The following WWOX variants were observed in gnomAD, a reference collection of about 807,000 sequenced individuals.
The protein encoded by WWOX is WW domain containing oxidoreductase.
A neutral mutation model predicts 46.2 loss-of-function variants in WWOX; 69 were observed. The ratio of observed to expected loss-of-function variants is 1.49; its 90% CI spans 1.23 to 1.82. The LOEUF is 1.82. Ranked by LOEUF, WWOX falls within the 40% of genes most tolerant of loss-of-function variation. The probability of loss-of-function intolerance (pLI) is 0.00; values close to 1 mark genes in which losing one functional copy is unlikely to be tolerated. For missense variants in WWOX, 919 were observed against 542.6 expected, an observed-to-expected ratio of 1.69 and a Z score of -6.89; for synonymous variants, 359 against 202.6, an observed-to-expected ratio of 1.77 and a Z score of -6.56.
At chr16:78,420,536 G>C (rs1387100071) in intron 6 of WWOX, among the ~76,000 whole-genome samples, 1 of 152,082 alleles carries the variant, frequency 6.6e-6, no homozygotes, top group East Asian at 1.9e-4. Context: ...CGTATTGTAT[G>C]GTTCCATTTA....
chr16:78,486,522 G>T (rs189198466), intron 8 of WWOX, among the ~76,000 whole-genome samples: 2 of 151,812 alleles, frequency 1.3e-5, no homozygotes, highest in African/African-American at 4.9e-5. Context: ...GTCGGACCTG[G>T]TTGTTGTACA....
At chr16:78,422,663 GTATATATATA>G (rs569996246) in intron 6 of WWOX, among the ~76,000 whole-genome samples, 4 of 24,380 alleles carry the variant, frequency 1.6e-4, no homozygotes, top group Admixed American at 1.7e-3. Flanking sequence ...TTTTTTACAT[GTATATATATA>G]TATATATATA....
intron 8 of WWOX, among the ~76,000 whole-genome samples, chr16:79,194,787 A>G (rs2051206085): frequency 6.6e-6 from 1 of 152,144 alleles, no homozygotes; most frequent in South Asian, 2.1e-4. Flanking sequence ...TTTTCCCCGT[A>G]TTATACATTC....
At chr16:78,900,381 G>A (rs2044800773) in intron 8 of WWOX, among the ~76,000 whole-genome samples, 1 of 152,054 alleles carries the variant, frequency 6.6e-6, no homozygotes, top group African/African-American at 2.4e-5. Flanking sequence ...TAAAAACTGT[G>A]CATGTAATTT....
intron 5 of WWOX, among the ~76,000 whole-genome samples, chr16:78,222,968 A>T (rs961143632): frequency 4.6e-5 from 7 of 152,140 alleles, no homozygotes; most frequent in Admixed American, 2.6e-4. Flanking sequence ...CTCAGAGGGG[A>T]GCCAGAGGAA....
chr16:78,827,338 G>C (rs954200148), intron 8 of WWOX, among the ~76,000 whole-genome samples: 2 of 152,084 alleles, frequency 1.3e-5, no homozygotes, highest in Non-Finnish European at 2.9e-5. Flanking sequence ...CGATGATCTT[G>C]ACCATTTTAC....
At chr16:78,150,085 T>G (rs2034346690) in intron 4 of WWOX, among the ~76,000 whole-genome samples, 1 of 152,162 alleles carries the variant, frequency 6.6e-6, no homozygotes, top group South Asian at 2.1e-4. Context: ...AGTAGCAAGT[T>G]CAAGATTGTC....
chr16:79,052,803 G>C (rs1278176996), intron 8 of WWOX, among the ~76,000 whole-genome samples: 1 of 152,168 alleles, frequency 6.6e-6, no homozygotes. Flanking sequence ...TCCTGTTCGA[G>C]TGCTATTTCT....
At position 78,343,953 on chromosome 16, in the gene WWOX, C is replaced by G. The variant is rs1178640167; in HGVS notation, c.517-42907C>G. ...AGTCTAAATGTGGTTGCATCATCTTCTTTCTTCCTTTGCCTTCCTCCCTTG... is the reference window on the plus strand; with the variant it reads ...AGTCTAAATGTGGTTGCATCATCTTGTTTCTTCCTTTGCCTTCCTCCCTTG... On this transcript the variant is annotated intron_variant, in intron 5 of 8. Coordinates refer to ENST00000566780, the MANE Select transcript of WWOX (RefSeq NM_016373.4). Among the ~76,000 whole-genome samples the G allele has an allele frequency of 1.9e-4, 23 of 120,410 alleles. 10 individuals carry two copies. The highest frequency in any genetic ancestry group is 1.9e-3 in the Admixed American group (23 of 12,318). 79.0% of individuals were successfully genotyped at this position (120,410 alleles called of 152,430 possible).
chr16:79,039,607 GC>G (rs746716613), intron 8 of WWOX, among the ~76,000 whole-genome samples: 4 of 152,184 alleles, frequency 2.6e-5, no homozygotes, highest in Non-Finnish European at 4.4e-5. Flanking sequence ...CGAGGGTTTT[GC>G]CTTCCTACCG....
At chr16:79,054,491 G>T (rs2048226305) in intron 8 of WWOX, among the ~76,000 whole-genome samples, 1 of 152,206 alleles carries the variant, frequency 6.6e-6, no homozygotes, top group Middle Eastern at 3.4e-3. Flanking sequence ...ATTTAATCAG[G>T]GGAATACATT....
chr16:79,135,979 T>C (rs1338175683), intron 8 of WWOX, among the ~76,000 whole-genome samples: 1 of 152,238 alleles, frequency 6.6e-6, no homozygotes, highest in Non-Finnish European at 1.5e-5. Flanking sequence ...CTGACTATTG[T>C]AAATATTTTA....
At chr16:78,753,341 A>C (rs1416003196) in intron 8 of WWOX, among the ~76,000 whole-genome samples, 1 of 152,044 alleles carries the variant, frequency 6.6e-6, no homozygotes, top group Non-Finnish European at 1.5e-5. Context: ...AAAAGAAAGA[A>C]AGAACCTCTT....
At chr16:79,140,232 T>G (rs776242895) in intron 8 of WWOX, among the ~76,000 whole-genome samples, 5 of 152,210 alleles carry the variant, frequency 3.3e-5, no homozygotes, top group African/African-American at 7.2e-5. Context: ...AAAATAAACT[T>G]GCAGACCCTG....
intron 5 of WWOX, among the ~76,000 whole-genome samples, chr16:78,330,670 T>G (rs767730287): frequency 3.3e-5 from 5 of 152,192 alleles, no homozygotes; most frequent in Non-Finnish European, 7.3e-5. Context: ...GCTGGGATTA[T>G]AGGCGTGAAC....
chr16:79,211,504 G>C (rs370576920), intron 8 of WWOX, 104 bp from the exon 9 acceptor site: 1 of 1,466,764 alleles, frequency 6.8e-7, no homozygotes, highest in Non-Finnish European at 9.4e-7. Context: ...AGCTGAAACT[G>C]AACCAGGTGG....
At chr16:78,560,249 C>G (rs1376417955) in intron 8 of WWOX, among the ~76,000 whole-genome samples, 9 of 152,170 alleles carry the variant, frequency 5.9e-5, no homozygotes, top group Admixed American at 5.9e-4. Flanking sequence ...GATCTGAAAT[C>G]TTTCTTTCTT....
intron 8 of WWOX, among the ~76,000 whole-genome samples, chr16:78,833,837 C>T (rs1488750854): frequency 6.6e-6 from 1 of 152,222 alleles, no homozygotes; most frequent in Non-Finnish European, 1.5e-5. Flanking sequence ...AGGCTTCCAG[C>T]CAAGGTTTGC....
chr16:78,476,373 G>A (rs111610950), intron 8 of WWOX, among the ~76,000 whole-genome samples: 6,403 of 152,182 alleles, frequency 0.042, 184 homozygotes, highest in Admixed American at 0.067. Flanking sequence ...ACCAAACACC[G>A]CATGTTCTCA....
Sources: allele counts gnomAD v4.1 joint callset (sites outside exome capture counted in the v4.1 genomes callset), GRCh38; gene constraint gnomAD v4.1.1; transcripts MANE v1.5; gene names NCBI Gene and HGNC (gene_info 2026-07-23, HGNC 2026-07-21).